Variants in SRSF11 observed in about 807,000 individuals in gnomAD.
SRSF11 encodes serine/arginine-rich splicing factor 11.
In SRSF11, 9 loss-of-function variants were observed where a neutral mutation model predicts 56.0. That is an observed-to-expected ratio of 0.16 (90% confidence interval 0.10 to 0.28). The LOEUF is 0.28. SRSF11 is among the 10% of genes least tolerant of loss of function. The probability of loss-of-function intolerance (pLI) is 1.00; values close to 1 mark genes in which losing one functional copy is unlikely to be tolerated. For missense variants in SRSF11, 421 were observed against 600.7 expected (o/e 0.70, Z 3.13); for synonymous variants, 222 against 215.3 (o/e 1.03, Z -0.27).
chr1:70,222,321 A>G (rs1018115628), intron 1 of SRSF11, among the ~76,000 whole-genome samples: 1 of 152,202 alleles, frequency 6.6e-6, no homozygotes, highest in Admixed American at 6.5e-5. Context: ...TAATTCAAAG[A>G]TCATATTCTT....
At position 70,236,737 on chromosome 1, in the gene SRSF11, C is replaced by A. The variant is rs187933087; in HGVS notation, c.591-688C>A. Among the ~76,000 whole-genome samples, 537 of 151,802 alleles carry A rather than the reference C, an allele frequency of 3.5e-3. 6 individuals are homozygous for A. Among genetic ancestry groups the A allele is most frequent in the African/African-American group, 0.012 (516 of 41,368 alleles). On this transcript the variant is annotated intron_variant, in intron 5 of 11. Coordinates refer to ENST00000370949, the MANE Select transcript of SRSF11 (RefSeq NM_001350605.2). ...GCCTTTGGCCTCTGCCTCAGTTCCT[C>A]CCCACCTACAAAGTAAAAGGTAATG...
At chr1:70,234,292 A>C (rs1051167584) in intron 3 of SRSF11, among the ~76,000 whole-genome samples, 2 of 152,248 alleles carry the variant, frequency 1.3e-5, no homozygotes, top group Non-Finnish European at 2.9e-5. Flanking sequence ...CCGGTAGCAC[A>C]AAACAGCAGG....
chr1:70,231,986 C>A, intron 2 of SRSF11: 1 of 1,527,174 alleles, frequency 6.5e-7, no homozygotes, highest in Non-Finnish European at 8.8e-7. Context: ...GTGATGAAAT[C>A]TTGGCAGTGT....
chr1:70,242,230 T>C (rs1262892972), intron 7 of SRSF11, among the ~76,000 whole-genome samples: 2 of 151,846 alleles, frequency 1.3e-5, no homozygotes, highest in African/African-American at 2.4e-5. Context: ...TGGGACTCTC[T>C]CATTTTAATA....
In SRSF11 at chr1:70,251,095, G is replaced by A. The variant is rs1376884814; in HGVS notation, c.*290G>A. Reference sequence around the variant, plus strand: ...GAAAAGCTGCATGCATCTACAGCAGGCATGGATTGTTTATGTCGTATGATA... The same window carrying A: ...GAAAAGCTGCATGCATCTACAGCAGACATGGATTGTTTATGTCGTATGATA... On this transcript the variant is annotated 3_prime_UTR_variant, in exon 12 of 12. Coordinates refer to ENST00000370949, the MANE Select transcript of SRSF11 (RefSeq NM_001350605.2). 6.2e-6 allele frequency: 2 copies of A among 320,534 alleles called. No individual in the cohort carries two copies. Among genetic ancestry groups the A allele is most frequent in the Non-Finnish European group, 1.2e-5 (2 of 172,514 alleles). The allele number at this position is 320,534 out of a possible 1,614,324, so 19.9% of individuals were successfully genotyped here.
At chr1:70,240,858 T>G (rs1675222208) in intron 7 of SRSF11, among the ~76,000 whole-genome samples, 2 of 148,642 alleles carry the variant, frequency 1.3e-5, no homozygotes, top group African/African-American at 4.9e-5. Flanking sequence ...TCACCACAAC[T>G]TCCGCCTCCT....
At chr1:70,214,231 T>C (rs1262109425) in intron 1 of SRSF11, among the ~76,000 whole-genome samples, 1 of 152,208 alleles carries the variant, frequency 6.6e-6, no homozygotes, top group Non-Finnish European at 1.5e-5. Context: ...CTCCAATGGC[T>C]TTTTGTCAGT....
chr1:70,233,760 T>C (rs1383260146), intron 3 of SRSF11, among the ~76,000 whole-genome samples: 1 of 152,142 alleles, frequency 6.6e-6, no homozygotes, highest in Non-Finnish European at 1.5e-5. Flanking sequence ...TACAGATGGT[T>C]TTAAAGTAGC....
At position 70,251,684 on chromosome 1, in the gene SRSF11, C is replaced by T. The variant is rs1351776914; in HGVS notation, c.*879C>T. The T allele has an allele frequency of 4.6e-5, 7 of 152,324 alleles. No homozygotes were observed. The highest frequency in any genetic ancestry group is 1.5e-4 in the African/African-American group (6 of 41,372). 9.4% of individuals were successfully genotyped at this position (152,324 alleles called of 1,614,324 possible). A position where few individuals can be genotyped will look rare whatever the true frequency, so the allele number is the denominator to read the frequency against. On this transcript the variant is annotated 3_prime_UTR_variant, in exon 12 of 12. Coordinates refer to ENST00000370949, the MANE Select transcript of SRSF11 (RefSeq NM_001350605.2). ...TCTTTCATTAATTTGTTTTAAGCTC[C>T]GTGTTGGAAAAAAGGGGTAGTGCAT...
chr1:70,207,937 C>A (rs1391799940), intron 1 of SRSF11, among the ~76,000 whole-genome samples: 1 of 152,044 alleles, frequency 6.6e-6, no homozygotes, highest in South Asian at 2.1e-4. Flanking sequence ...TCTTGAACTC[C>A]TGGCCTCAAG....
intron 8 of SRSF11, among the ~76,000 whole-genome samples, chr1:70,245,700 G>A (rs954506334): frequency 6.6e-6 from 1 of 152,110 alleles, no homozygotes; most frequent in Non-Finnish European, 1.5e-5. Flanking sequence ...GTGGAGAATG[G>A]TGTTTCTTGA....
rs554617176 is a variant in SRSF11 at position 70,236,332 on chromosome 1, CTTTTTTT to C, written c.590+793_590+799del. On this transcript the variant is annotated intron_variant, in intron 5 of 11. Transcript: ENST00000370949. ...TTTTTTTTCTTTCTTCTTTCTTTTT[CTTTTTTT>C]TTTTTTTTTTGAGACGAGTCTCACT... 4.1e-3 allele frequency among the ~76,000 whole-genome samples: 553 copies of C among 133,838 alleles called. 2 individuals are homozygous for C. Among genetic ancestry groups the C allele is most frequent in the African/African-American group, 0.015 (532 of 36,116 alleles). The allele number at this position is 133,838 out of a possible 152,430, so 87.8% of individuals were successfully genotyped here.
intron 1 of SRSF11, among the ~76,000 whole-genome samples, chr1:70,206,224 A>C (rs1475633876): frequency 6.6e-6 from 1 of 152,228 alleles, no homozygotes; most frequent in African/African-American, 2.4e-5. Flanking sequence ...GTAGTGGTAC[A>C]TGCTTTAGTG....
chr1:70,240,592 TATTTC>T (rs71702515), intron 7 of SRSF11, among the ~76,000 whole-genome samples: 12,047 of 152,244 alleles, frequency 0.079, 524 homozygotes, highest in South Asian at 0.19. Context: ...ATTCACCAAC[TATTTC>T]AGCCATTCTT....
chr1:70,242,175 A>G (rs1310750420), intron 7 of SRSF11, among the ~76,000 whole-genome samples: 9 of 152,008 alleles, frequency 5.9e-5, no homozygotes, highest in Admixed American at 5.9e-4. Flanking sequence ...TAAAAAAAAA[A>G]AAAAAAGGGA....
At chr1:70,248,351 A>G (rs943645294) in intron 9 of SRSF11, 5 of 152,120 alleles carry the variant, frequency 3.3e-5, no homozygotes, top group African/African-American at 1.2e-4. Context: ...TATGGATGAA[A>G]CTTGCAAACA....
intron 2 of SRSF11, chr1:70,230,136 A>G (rs1672571489): frequency 7.1e-6 from 7 of 983,924 alleles, no homozygotes; most frequent in Non-Finnish European, 8.4e-6. Context: ...CCCTGAACAT[A>G]ATACAGTATA....
At chr1:70,215,087 G>A (rs577391548) in intron 1 of SRSF11, among the ~76,000 whole-genome samples, 15 of 151,728 alleles carry the variant, frequency 9.9e-5, no homozygotes, top group East Asian at 1.9e-4. Context: ...TAGTAGAGGC[G>A]GGGTTTCGTC....
chr1:70,235,467 G>A, intron 4 of SRSF11, 34 bp from the exon 5 acceptor site: 1 of 1,541,710 alleles, frequency 6.5e-7, no homozygotes, highest in Non-Finnish European at 8.9e-7. Flanking sequence ...ATTGTTTTAT[G>A]TATTCTCATT....
Sources: gnomAD v4.1 joint callset for allele counts (sites outside exome capture counted in the v4.1 genomes callset) on GRCh38, gnomAD v4.1.1 for gene constraint, MANE v1.5 for transcripts, NCBI Gene and HGNC (gene_info 2026-07-23, HGNC 2026-07-21) for gene names.